The following SAMSN1 variants were observed in gnomAD, a reference collection of about 807,000 sequenced individuals.
SAMSN1 encodes SAM domain-containing protein SAMSN-1.
In SAMSN1, 31 loss-of-function variants were observed where a neutral mutation model predicts 42.0. That is an observed-to-expected ratio of 0.74 (90% CI 0.55 to 1.00). The LOEUF is 1.00. SAMSN1 is among the 50% of genes least tolerant of loss of function. The pLI, the probability that SAMSN1 is intolerant of heterozygous loss-of-function variation, is 0.00. For missense variants in SAMSN1, 464 were observed against 439.4 expected, an observed-to-expected ratio of 1.06 and a Z score of -0.50; for synonymous variants, 178 against 151.9, an observed-to-expected ratio of 1.17 and a Z score of -1.26.
At chr21:14,501,465 A>T (rs1987149159) in intron 5 of SAMSN1, among the ~76,000 whole-genome samples, 1 of 152,258 alleles carries the variant, frequency 6.6e-6, no homozygotes, top group Non-Finnish European at 1.5e-5. Flanking sequence ...CTCAAGTTCA[A>T]GTTATCTTAA....
chr21:14,653,687 C>T (rs543545990), intron 1 of SAMSN1, among the ~76,000 whole-genome samples: 13 of 151,906 alleles, frequency 8.6e-5, no homozygotes, highest in Middle Eastern at 3.2e-3. Context: ...TAAATGCTTG[C>T]GGGAATGGAT....
chr21:14,581,519 C>T lies in SAMSN1; in HGVS notation c.261+617G>A, dbSNP rs556013424. Among the ~76,000 whole-genome samples the T allele has an allele frequency of 7.0e-4, 105 of 150,886 alleles. 1 individual carries two copies. The highest frequency in any genetic ancestry group is 2.1e-3 in the African/African-American group (85 of 41,116). On this transcript the variant is annotated intron_variant, in intron 2 of 8. Transcript: ENST00000285670. ...AACTACAGGTGCCCGCCACCACGCC[C>T]GGCTAATTTTTTTGTATTTTTAGTA...
At chr21:14,650,617 C>T (rs1983817255) in intron 1 of SAMSN1, among the ~76,000 whole-genome samples, 1 of 151,586 alleles carries the variant, frequency 6.6e-6, no homozygotes, top group South Asian at 2.1e-4. Flanking sequence ...ACAATGCATC[C>T]TAAGGAACTA....
intron 2 of SAMSN1, among the ~76,000 whole-genome samples, chr21:14,566,999 G>A: frequency 6.6e-6 from 1 of 152,098 alleles, no homozygotes; most frequent in South Asian, 2.1e-4. Context: ...TAGGCTTTAT[G>A]ATTAGTAAAC....
At position 14,498,484 on chromosome 21, in the gene SAMSN1, T is replaced by C; in HGVS notation, c.877A>G (p.Arg293Gly). The C allele has an allele frequency of 1.2e-6, 2 of 1,611,764 alleles. No homozygotes were observed. Among genetic ancestry groups the C allele is most frequent in the Non-Finnish European group, 1.7e-6 (2 of 1,179,316 alleles). Reference protein sequence around the residue: ...ELNIENPDDRRRLLSAAENFL... With the variant: ...ELNIENPDDRGRLLSAAENFL... ...TTTTCAGCAGCTGATAGTAACCTTC[T>C]TCTGTCATCTGGGTTTTCAATATTT... The change falls in exon 7 of 8, where the codon AGA (arginine) becomes GGA (glycine). Residue 293 changes from arginine (R) to glycine (G), a missense_variant. Physicochemically the swap from Arg to Gly is moderately radical, Grantham distance 125. Transcript: ENST00000400566.
intron 4 of SAMSN1, 101 bp from the exon 5 acceptor site, chr21:14,510,562 C>T: frequency 7.4e-7 from 1 of 1,345,772 alleles, no homozygotes; most frequent in Non-Finnish European, 1.0e-6. Context: ...ACACTGGATG[C>T]CAGGCTCCTG....
At chr21:14,622,305 C>G (rs1983035077) in intron 2 of SAMSN1, among the ~76,000 whole-genome samples, 1 of 152,186 alleles carries the variant, frequency 6.6e-6, no homozygotes, top group African/African-American at 2.4e-5. Context: ...AAGAAGGCTT[C>G]AGATGATCAA....
intron 3 of SAMSN1, among the ~76,000 whole-genome samples, chr21:14,516,395 T>C (rs1987919358): frequency 6.6e-6 from 1 of 152,094 alleles, no homozygotes; most frequent in Non-Finnish European, 1.5e-5. Flanking sequence ...TGATCTTTTT[T>C]TTTGTTTTGT....
intron 7 of SAMSN1, among the ~76,000 whole-genome samples, chr21:14,593,215 A>C (rs983568979): frequency 6.6e-6 from 1 of 152,180 alleles, no homozygotes; most frequent in Non-Finnish European, 1.5e-5. Context: ...ATTCATACCT[A>C]CATAAAGAAA....
intron 2 of SAMSN1, among the ~76,000 whole-genome samples, chr21:14,640,454 A>G (rs932419735): frequency 1.3e-5 from 2 of 151,988 alleles, no homozygotes; most frequent in Non-Finnish European, 2.9e-5. Context: ...TTTCTGAGGA[A>G]CCAGTCCAAA....
At chr21:14,652,428 A>G (rs1462097344) in intron 1 of SAMSN1, among the ~76,000 whole-genome samples, 2 of 152,142 alleles carry the variant, frequency 1.3e-5, no homozygotes, top group Non-Finnish European at 2.9e-5. Context: ...TGTCAAGAAC[A>G]CACACTGGGG....
intron 2 of SAMSN1, among the ~76,000 whole-genome samples, chr21:14,618,555 CTG>C (rs1276120251): frequency 1.3e-5 from 2 of 152,270 alleles, no homozygotes; most frequent in East Asian, 3.9e-4. Context: ...CATAAGCAGA[CTG>C]TCACGTATAT....
intron 1 of SAMSN1, among the ~76,000 whole-genome samples, chr21:14,531,269 T>C (rs1979251219): frequency 6.6e-6 from 1 of 152,132 alleles, no homozygotes. Context: ...AAGTGACTGA[T>C]TTTTCTATTT....
chr21:14,539,416 C>T (rs1290077334), intron 1 of SAMSN1, among the ~76,000 whole-genome samples: 1 of 152,136 alleles, frequency 6.6e-6, no homozygotes, highest in Non-Finnish European at 1.5e-5. Flanking sequence ...CCCAAAATCT[C>T]CTTAAGCTGA....
chr21:14,574,337 A>G (rs1171903866), intron 2 of SAMSN1, among the ~76,000 whole-genome samples: 1 of 152,196 alleles, frequency 6.6e-6, no homozygotes, highest in Non-Finnish European at 1.5e-5. Flanking sequence ...AATCTAAATT[A>G]CAAATGTTTT....
intron 2 of SAMSN1, among the ~76,000 whole-genome samples, chr21:14,640,108 T>C (rs1983557754): frequency 6.6e-6 from 1 of 152,178 alleles, no homozygotes; most frequent in African/African-American, 2.4e-5. Flanking sequence ...GATCTTATGT[T>C]CATCTATGGA....
chr21:14,653,644 A>T (rs934051836), intron 1 of SAMSN1, among the ~76,000 whole-genome samples: 2 of 152,064 alleles, frequency 1.3e-5, no homozygotes, highest in African/African-American at 4.8e-5. Flanking sequence ...AATAATTTAA[A>T]GGGTGTAAGT....
At chr21:14,501,489 C>A (rs1436621344) in intron 5 of SAMSN1, among the ~76,000 whole-genome samples, 1 of 152,132 alleles carries the variant, frequency 6.6e-6, no homozygotes, top group Non-Finnish European at 1.5e-5. Context: ...AAAATTGATG[C>A]TCTTTTTATT....
At chr21:14,502,302 A>G (rs1987201570) in intron 5 of SAMSN1, among the ~76,000 whole-genome samples, 1 of 152,166 alleles carries the variant, frequency 6.6e-6, no homozygotes, top group Non-Finnish European at 1.5e-5. Flanking sequence ...GTTGGATGGT[A>G]TCAGCTAGGG....
Sources: allele counts gnomAD v4.1 joint callset (sites outside exome capture counted in the v4.1 genomes callset), GRCh38; gene constraint gnomAD v4.1.1; transcripts MANE v1.5; gene names NCBI Gene and HGNC (gene_info 2026-07-23, HGNC 2026-07-21).